The following SREBF2 variants were observed in gnomAD, a reference collection of about 807,000 sequenced individuals.
SREBF2 encodes the protein sterol regulatory element-binding protein 2.
SREBF2 carries 55 observed loss-of-function variants against 113.1 expected under a neutral mutation model. The observed-to-expected ratio is 0.49, with a 90% CI of 0.39 to 0.61. SREBF2 has a LOEUF of 0.61. SREBF2 is among the 20% of genes least tolerant of loss of function. SREBF2 has a pLI of 0.00. For synonymous variants in SREBF2, 593 were observed against 605.7 expected, an observed-to-expected ratio of 0.98 and a Z score of 0.31; for missense variants, 1,349 against 1,487.4, an observed-to-expected ratio of 0.91 and a Z score of 1.53.
At chr22:41,892,773 G>A (rs2077377003) in intron 11 of SREBF2, among the ~76,000 whole-genome samples, 1 of 152,156 alleles carries the variant, frequency 6.6e-6, no homozygotes, top group Admixed American at 6.5e-5. Context: ...CCCTCCTTGG[G>A]AAACCGCCTT....
At chr22:41,834,107 A>T (rs2076745886) in intron 1 of SREBF2, 1 of 152,154 alleles carries the variant, frequency 6.6e-6, no homozygotes, top group South Asian at 2.1e-4. Context: ...CCAGGGATCC[A>T]CTCTTAAAAT....
intron 4 of SREBF2, among the ~76,000 whole-genome samples, chr22:41,872,248 T>G (rs1242058318): frequency 1.8e-5 from 2 of 113,430 alleles, no homozygotes; most frequent in East Asian, 4.7e-4. Flanking sequence ...AATCTCCGTC[T>G]CAAAAAAAAA....
chr22:41,883,806 G>A (rs1370652178), intron 10 of SREBF2, among the ~76,000 whole-genome samples: 1 of 152,216 alleles, frequency 6.6e-6, no homozygotes, highest in African/African-American at 2.4e-5. Flanking sequence ...AGCACGGGAA[G>A]CCTGGCTTTG....
intron 13 of SREBF2, among the ~76,000 whole-genome samples, chr22:41,896,481 T>C (rs2077417808): frequency 6.6e-6 from 1 of 152,174 alleles, no homozygotes; most frequent in South Asian, 2.1e-4. Flanking sequence ...TGCCTCAGCC[T>C]CCCAAGTAGC....
At position 41,897,176 on chromosome 22, in the gene SREBF2, G is replaced by T; in HGVS notation, c.2605+15G>T. 6.3e-7 allele frequency: 1 copy of T among 1,579,590 alleles called. No homozygotes were observed. ...GTCCGCCCTGGGTAAGCACCTGCGG[G>T]TGGCCCACAGTCTCAGGGTGCTCAG... On this transcript the variant is annotated intron_variant, in intron 14 of 18. Transcript: ENST00000361204.
intron 3 of SREBF2, among the ~76,000 whole-genome samples, chr22:41,869,888 C>CT (rs1426454900): frequency 6.9e-6 from 1 of 144,986 alleles, no homozygotes; most frequent in African/African-American, 2.6e-5. Flanking sequence ...GAGTCTTGCT[C>CT]TGTCGCCCAG....
intron 1 of SREBF2, among the ~76,000 whole-genome samples, chr22:41,861,209 C>T (rs1464459292): frequency 1.3e-5 from 2 of 151,948 alleles, no homozygotes; most frequent in African/African-American, 4.8e-5. Context: ...ATGGGCCGGG[C>T]GCTGTGGCTC....
At chr22:41,868,549 T>C in intron 2 of SREBF2, 62 bp from the exon 3 acceptor site, 2 of 1,579,086 alleles carry the variant, frequency 1.3e-6, no homozygotes, top group Non-Finnish European at 1.7e-6. Context: ...AGGTTTCTGC[T>C]GCAGCTGCAG....
intron 16 of SREBF2, 120 bp downstream of exon 16, chr22:41,900,618 C>T: frequency 1.9e-6 from 2 of 1,038,342 alleles, no homozygotes; most frequent in Non-Finnish European, 1.4e-6. Flanking sequence ...GAAACCAGGA[C>T]AGCAGCCCCC....
intron 17 of SREBF2, 71 bp downstream of exon 17, chr22:41,903,226 G>A (rs905202086): frequency 2.2e-5 from 34 of 1,521,264 alleles, no homozygotes; most frequent in Non-Finnish European, 3.0e-5. Context: ...ACCCAGCATG[G>A]GCACCAGCAT....
Position 41,900,422 on chromosome 22 carries a change from A to G in SREBF2, c.2831A>G (p.His944Arg). The G allele has an allele frequency of 6.2e-7, 1 of 1,613,924 alleles. No homozygotes were observed. ...KADGQQSSFCHCERASGHLWS... is the reference protein window; with the variant it reads ...KADGQQSSFCRCERASGHLWS... ...GATGGGCAGCAGAGTTCCTTCTGCC[A>G]TTGCGAGAGGGCCAGTGGCCACCTA... The change falls in exon 16 of 19, where the codon CAT becomes CGT. Residue 944 changes from histidine (H) to arginine (R), a missense_variant. This residue lies in a region of SREBF2 where 650 missense variants were observed against 644.1 expected (regional missense o/e 1.01). Transcript: ENST00000361204.
At chr22:41,859,664 G>A (rs999887208) in intron 1 of SREBF2, among the ~76,000 whole-genome samples, 2 of 151,840 alleles carry the variant, frequency 1.3e-5, no homozygotes, top group Non-Finnish European at 2.9e-5. Flanking sequence ...CAGGCATGGT[G>A]CCATAGATTC....
chr22:41,859,722 A>ACAAT (rs1458757320), intron 1 of SREBF2, among the ~76,000 whole-genome samples: 1 of 151,184 alleles, frequency 6.6e-6, no homozygotes, highest in Non-Finnish European at 1.5e-5. Context: ...ATTGTTAGCC[A>ACAAT]CAATGTACAG....
chr22:41,867,663 C>T (rs768132506), intron 2 of SREBF2, among the ~76,000 whole-genome samples: 134 of 152,190 alleles, frequency 8.8e-4, no homozygotes, highest in African/African-American at 2.9e-3. Context: ...AAAAATTAGC[C>T]GGGCATGGTG....
chr22:41,898,837 G>T (rs1238060282), intron 15 of SREBF2, 56 bp downstream of exon 15: 1 of 1,605,226 alleles, frequency 6.2e-7, no homozygotes. Flanking sequence ...TCTTGTTTGA[G>T]TTAGCAGGAG....
chr22:41,880,691 A>G (rs2077236600), intron 9 of SREBF2, 25 bp from the exon 10 acceptor site: 2 of 1,614,064 alleles, frequency 1.2e-6, no homozygotes, highest in Non-Finnish European at 1.7e-6. Flanking sequence ...GCCAGTGACC[A>G]TTAACACCTT....
chr22:41,857,735 G>A (rs1327257325), intron 1 of SREBF2, among the ~76,000 whole-genome samples: 2 of 152,176 alleles, frequency 1.3e-5, no homozygotes, highest in African/African-American at 4.8e-5. Context: ...AGGTGACCCA[G>A]AAACCCCTTG....
intron 1 of SREBF2, among the ~76,000 whole-genome samples, chr22:41,860,232 T>TA (rs1228738785): frequency 6.7e-6 from 1 of 148,696 alleles, no homozygotes; most frequent in East Asian, 1.9e-4. Context: ...GGAAGTTTTT[T>TA]AAATCAGTGA....
chr22:41,845,386 G>A (rs1452340386), intron 1 of SREBF2, among the ~76,000 whole-genome samples: 1 of 152,178 alleles, frequency 6.6e-6, no homozygotes, highest in Non-Finnish European at 1.5e-5. Flanking sequence ...ATGAAAATGA[G>A]GTGGGAGATG....
Sources: allele counts gnomAD v4.1 joint callset (sites outside exome capture counted in the v4.1 genomes callset), GRCh38; gene constraint gnomAD v4.1.1; regional missense constraint gnomAD v4.1.1; transcripts MANE v1.5; gene names NCBI Gene and HGNC (gene_info 2026-07-23, HGNC 2026-07-21).